DAPK2: variants seen among roughly 807,000 people sequenced by gnomAD.
The protein encoded by DAPK2 is death associated protein kinase 2, also known as death-associated protein kinase 2.
DAPK2 carries 35 observed loss-of-function variants against 44.1 expected under a neutral mutation model. The ratio of observed to expected loss-of-function variants is 0.79; its 90% CI spans 0.61 to 1.05. The LOEUF (loss-of-function observed/expected upper bound fraction) is 1.05. Ranked by LOEUF, DAPK2 falls within the 50% of genes least tolerant of loss-of-function variation. The probability of loss-of-function intolerance (pLI) is 0.00; values close to 1 mark genes in which losing one functional copy is unlikely to be tolerated. For synonymous variants in DAPK2, 174 were observed against 182.6 expected, an observed-to-expected ratio of 0.95 and a Z score of 0.38; for missense variants, 453 against 483.2, an observed-to-expected ratio of 0.94 and a Z score of 0.59.
chr15:63,975,278 T>C (rs1002083594), intron 2 of DAPK2, among the ~76,000 whole-genome samples: 2 of 152,280 alleles, frequency 1.3e-5, no homozygotes, highest in African/African-American at 2.4e-5. Context: ...GATCCCACCA[T>C]AGACTTTAAC....
At chr15:63,989,936 C>A (rs1344295652) in intron 1 of DAPK2, among the ~76,000 whole-genome samples, 1 of 152,160 alleles carries the variant, frequency 6.6e-6, no homozygotes, top group East Asian at 1.9e-4. Context: ...CAGTGATCTG[C>A]CCGCCTAGGC....
At chr15:64,022,262 T>C (rs765302828) in intron 1 of DAPK2, among the ~76,000 whole-genome samples, 3 of 152,248 alleles carry the variant, frequency 2.0e-5, no homozygotes, top group African/African-American at 7.2e-5. Flanking sequence ...CTGTTATTAC[T>C]AAAAGAGCAC....
At chr15:63,914,231 G>C (rs2078868323) in intron 8 of DAPK2, among the ~76,000 whole-genome samples, 1 of 149,936 alleles carries the variant, frequency 6.7e-6, no homozygotes, top group South Asian at 2.2e-4. Flanking sequence ...CGGGGCGGGG[G>C]GTGGGGTGAC....
chr15:63,953,052 T>C (rs965342681), intron 3 of DAPK2, among the ~76,000 whole-genome samples: 2 of 151,912 alleles, frequency 1.3e-5, no homozygotes, highest in African/African-American at 4.8e-5. Context: ...TCTTTAGTGG[T>C]AATTTGTGAG....
intron 4 of DAPK2, among the ~76,000 whole-genome samples, chr15:63,931,213 C>A (rs1344060042): frequency 6.6e-6 from 1 of 152,198 alleles, no homozygotes; most frequent in Non-Finnish European, 1.5e-5. Context: ...CTTGGACTTC[C>A]TATCCTTCAA....
chr15:63,930,120 G>T (rs747022758), intron 5 of DAPK2, among the ~76,000 whole-genome samples: 1 of 152,154 alleles, frequency 6.6e-6, no homozygotes, highest in Admixed American at 6.5e-5. Flanking sequence ...CCCAGCTGGG[G>T]CAGGCCCACG....
At chr15:64,011,385 C>T (rs1375916239) in intron 1 of DAPK2, among the ~76,000 whole-genome samples, 2 of 152,140 alleles carry the variant, frequency 1.3e-5, no homozygotes, top group Non-Finnish European at 2.9e-5. Flanking sequence ...CATGATGAAA[C>T]CCCATCTCTA....
chr15:63,915,520 C>G (rs1032154041), intron 8 of DAPK2, among the ~76,000 whole-genome samples: 1 of 152,200 alleles, frequency 6.6e-6, no homozygotes, highest in Non-Finnish European at 1.5e-5. Flanking sequence ...TACTGATTGG[C>G]ACCCTCACCC....
intron 1 of DAPK2, among the ~76,000 whole-genome samples, chr15:63,996,780 G>A (rs1054700002): frequency 1.3e-5 from 2 of 152,180 alleles, no homozygotes; most frequent in African/African-American, 4.8e-5. Context: ...TTTGCCCAAG[G>A]GAGGACTACT....
At chr15:63,929,797 G>C (rs1045666148) in intron 5 of DAPK2, 11 of 677,058 alleles carry the variant, frequency 1.6e-5, no homozygotes, top group Non-Finnish European at 2.7e-5. Context: ...GAAGACCCAA[G>C]TTCAAGATCA....
intron 4 of DAPK2, among the ~76,000 whole-genome samples, chr15:63,936,138 G>A (rs2077139970): frequency 6.6e-6 from 1 of 152,038 alleles, no homozygotes; most frequent in Non-Finnish European, 1.5e-5. Context: ...AGTATCTTAT[G>A]TCCTTGAACA....
chr15:63,938,065 G>A (rs545752045), intron 4 of DAPK2, among the ~76,000 whole-genome samples: 16 of 152,304 alleles, frequency 1.1e-4, no homozygotes, highest in South Asian at 4.1e-4. Context: ...CCATCTCCAC[G>A]TGTGTTAAAC....
intron 3 of DAPK2, 33 bp downstream of exon 4, chr15:63,971,390 A>T: frequency 6.2e-7 from 1 of 1,612,586 alleles, no homozygotes; most frequent in Non-Finnish European, 8.5e-7. Context: ...TTCTTCCTAA[A>T]CTTGATTCTT....
chr15:63,983,457 C>G (rs539187412), intron 2 of DAPK2, 76 bp downstream of exon 3: 4 of 1,398,056 alleles, frequency 2.9e-6, no homozygotes, highest in Non-Finnish European at 4.0e-6. Context: ...CCCCCTGGGG[C>G]CTGTGGCTGG....
intron 1 of DAPK2, among the ~76,000 whole-genome samples, chr15:64,024,973 GAGGC>G (rs1455776843): frequency 6.6e-6 from 1 of 152,166 alleles, no homozygotes; most frequent in African/African-American, 2.4e-5. Flanking sequence ...GGTGAGCAGG[GAGGC>G]AGTGCCAGCC....
rs539806687 is a variant in DAPK2, at chr15:63,990,142, G to C, written c.93-6388C>G. Among the ~76,000 whole-genome samples the C allele has an allele frequency of 7.9e-5, 12 of 152,252 alleles. No individual in the cohort carries two copies. In the East Asian group the frequency reaches 1.2e-3, roughly 15 times the overall value. ...AACTACCAGGGCCAAGCTGCTAAAGGCTTTGAAAGATCTATGGGCTGGGTG... is the reference window on the plus strand; with the variant it reads ...AACTACCAGGGCCAAGCTGCTAAAGCCTTTGAAAGATCTATGGGCTGGGTG... On this transcript the variant is annotated intron_variant, in intron 1 of 10. Transcript: ENST00000261891. This position sits in a 1 kb window ranked among gnomAD's most constrained non-coding sequence, Gnocchi z 4.3.
At chr15:63,953,207 A>C (rs1416610540) in intron 3 of DAPK2, among the ~76,000 whole-genome samples, 3 of 148,058 alleles carry the variant, frequency 2.0e-5, no homozygotes, top group African/African-American at 7.6e-5. Context: ...CTTAGCTTCC[A>C]CTTATGAGTG....
At chr15:64,007,931 T>G (rs1368636071) in intron 1 of DAPK2, among the ~76,000 whole-genome samples, 1 of 152,226 alleles carries the variant, frequency 6.6e-6, no homozygotes, top group African/African-American at 2.4e-5. Flanking sequence ...AAGGACCGCA[T>G]GTTGTATGAT....
At chr15:63,995,046 A>G (rs1595869223) in intron 1 of DAPK2, among the ~76,000 whole-genome samples, 1 of 152,246 alleles carries the variant, frequency 6.6e-6, no homozygotes, top group South Asian at 2.1e-4. Context: ...GTATAATATC[A>G]TATTATACAG....
Sources: allele counts gnomAD v4.1 joint callset (sites outside exome capture counted in the v4.1 genomes callset), GRCh38; gene constraint gnomAD v4.1.1; non-coding constraint Gnocchi (gnomAD v3.1); transcripts MANE v1.5; gene names NCBI Gene and HGNC (gene_info 2026-07-23, HGNC 2026-07-21).